Variants in ITGAE observed in about 807,000 individuals in gnomAD.
ITGAE encodes integrin subunit alpha E, also known as integrin alpha-E.
In ITGAE, 99 loss-of-function variants were observed where a neutral mutation model predicts 136.5. The ratio of observed to expected loss-of-function variants is 0.73; its 90% CI spans 0.62 to 0.86. The LOEUF is 0.86. Ranked by LOEUF, ITGAE falls within the 40% of genes least tolerant of loss-of-function variation. ITGAE has a pLI of 0.00. For missense variants in ITGAE, 1,447 were observed against 1,515.3 expected (o/e 0.95, Z 0.75); for synonymous variants, 613 against 591.8 (o/e 1.04, Z -0.52).
At chr17:3,796,001 C>T (rs2053073684) in intron 1 of ITGAE, among the ~76,000 whole-genome samples, 1 of 79,384 alleles carries the variant, frequency 1.3e-5, no homozygotes, top group Non-Finnish European at 2.5e-5. Context: ...GTGTGTGCAT[C>T]CGTGTGTGCA....
In ITGAE at chr17:3,734,890, G is replaced by T. The variant is rs964470684; in HGVS notation, c.2582C>A (p.Ser861Tyr). The T allele has an allele frequency of 6.2e-7, 1 of 1,614,200 alleles. No homozygotes were observed. The highest frequency in any genetic ancestry group is 1.1e-5 in the South Asian group (1 of 91,080). The part of the protein sequence containing the change: ...ELTLNINLTN[S>Y]GEDSYMTSMA... ...GCTTGTCATGTAGGAATCTTCCCCG[G>T]AGTTAGTTAGGTTAATGTTCAGGGT... The change falls in exon 21 of 31, where the codon TCC becomes TAC. Residue 861 changes from serine (S) to tyrosine (Y), a missense_variant. Around this residue, in one of 3 missense-constraint regions of ITGAE, gnomAD observed 1,031 missense variants for 1,011.4 expected, o/e 1.02. Transcript: ENST00000263087.
chr17:3,799,564 T>C lies in ITGAE; in HGVS notation c.34+1547A>G, dbSNP rs972650399. 6.6e-6 allele frequency among the ~76,000 whole-genome samples: 1 copy of C among 152,030 alleles called. No homozygotes were observed. Among genetic ancestry groups the C allele is most frequent in the Admixed American group, 6.5e-5 (1 of 15,268 alleles). ...CTGGGCTTGAGCCTCGTGTCTATTA[T>C]CAGTTGCTTGCAAGCCTGGGTAGTC... On this transcript the variant is annotated intron_variant, in intron 1 of 30. Coordinates refer to ENST00000263087, the MANE Select transcript of ITGAE (RefSeq NM_002208.5). The surrounding 1 kb of genome is among the most constrained non-coding windows in gnomAD (Gnocchi z 4.1).
intron 1 of ITGAE, 46 bp downstream of exon 1, chr17:3,801,065 G>A (rs1371788128): frequency 3.1e-6 from 5 of 1,606,534 alleles, no homozygotes; most frequent in Non-Finnish European, 3.4e-6. Flanking sequence ...CCTGGCTGGA[G>A]CTGAGGGCAC....
At chr17:3,733,693 T>G (rs1174949672) in intron 21 of ITGAE, among the ~76,000 whole-genome samples, 2 of 152,218 alleles carry the variant, frequency 1.3e-5, no homozygotes, top group Non-Finnish European at 2.9e-5. Context: ...AGTGCTGGGA[T>G]TACAGGCATG....
Position 3,716,676 on chromosome 17 carries a change from A to G in ITGAE, c.3444+12T>C. The G allele has an allele frequency of 1.4e-6, 2 of 1,468,740 alleles. No homozygotes were observed. Among genetic ancestry groups the G allele is most frequent in the Non-Finnish European group, 1.9e-6 (2 of 1,047,606 alleles). The allele number at this position is 1,468,740 out of a possible 1,614,324, so 91.0% of individuals were successfully genotyped here. ...AGTCTTCCCTCACTGTGATGCCATG[A>G]GTAGAACTGACCTTGAACAGGATGA... On this transcript the variant is annotated intron_variant, in intron 30 of 30. Transcript: ENST00000263087.
intron 2 of ITGAE, among the ~76,000 whole-genome samples, chr17:3,776,378 A>G (rs986788253): frequency 1.3e-5 from 2 of 151,800 alleles, no homozygotes; most frequent in African/African-American, 4.8e-5. Flanking sequence ...TAAGCCCTTT[A>G]CATGCATTAT....
At chr17:3,721,176 A>T (rs1260994326) in intron 28 of ITGAE, among the ~76,000 whole-genome samples, 1 of 136,020 alleles carries the variant, frequency 7.4e-6, no homozygotes, top group Non-Finnish European at 1.5e-5. Context: ...CAATCCACCC[A>T]CCTTAGCCTC....
rs779119875 is a variant in ITGAE at position 3,724,001 on chromosome 17, G to C, written c.3085-257C>G. On this transcript the variant is annotated intron_variant, in intron 26 of 30. Coordinates refer to ENST00000263087, the MANE Select transcript of ITGAE (RefSeq NM_002208.5). ...GCACATATGGGGCTGCGGACGGCAG[G>C]AGACAGCGGCGGCCGGGCCGGGAAG... 164 of 1,594,906 alleles carry C rather than the reference G, an allele frequency of 1.0e-4. No individual in the cohort carries two copies. The South Asian group carries it at 1.7e-3, about 17-fold the overall frequency.
At chr17:3,746,781 C>A (rs947276597) in intron 17 of ITGAE, among the ~76,000 whole-genome samples, 5 of 152,012 alleles carry the variant, frequency 3.3e-5, no homozygotes, top group Non-Finnish European at 5.9e-5. Context: ...TTAGTAGAGA[C>A]GGGGTTTCAC....
At position 3,753,896 on chromosome 17, in the gene ITGAE, A is replaced by C. The variant is rs760906255; in HGVS notation, c.1414T>G (p.Cys472Gly). The stretch of plus-strand genomic sequence containing the variant: ...GCCCCCGCGATGTAGGAGAGGCTGC[A>C]GGTCTTGTGCAGCACGGCCACAGCG... The part of the protein sequence containing the change: ...GYAVAVLHKT[C>G]SLSYIAGAPR... Residue 472 changes from cysteine to glycine, a missense_variant, in exon 13 of 31, where the codon TGC becomes GGC. Around this residue, in one of 3 missense-constraint regions of ITGAE, gnomAD observed 1,031 missense variants for 1,011.4 expected, o/e 1.02. Transcript: ENST00000263087. The C allele has an allele frequency of 3.1e-6, 5 of 1,614,106 alleles. No homozygotes were observed. In the South Asian group the frequency reaches 5.5e-5, roughly 18 times the overall value.
chr17:3,771,094 AT>A (rs2052409978), intron 2 of ITGAE, among the ~76,000 whole-genome samples: 1 of 147,124 alleles, frequency 6.8e-6, no homozygotes, highest in African/African-American at 2.6e-5. Flanking sequence ...ACTCTGAGGG[AT>A]TAAAAAAAAA....
intron 1 of ITGAE, among the ~76,000 whole-genome samples, chr17:3,783,182 C>T (rs1237286818): frequency 6.6e-6 from 1 of 152,116 alleles, no homozygotes; most frequent in East Asian, 1.9e-4. Flanking sequence ...ACTCTGTCGC[C>T]CAAGCTGGAG....
At chr17:3,716,965 T>C (rs1166011229) in intron 29 of ITGAE, 167 bp from the exon 30 acceptor site, 22 of 570,446 alleles carry the variant, frequency 3.9e-5, no homozygotes, top group South Asian at 2.7e-4. Context: ...TGCAGCATTT[T>C]AGATCATCTA....
intron 22 of ITGAE, among the ~76,000 whole-genome samples, chr17:3,731,889 AT>A (rs1219271155): frequency 2.0e-5 from 3 of 151,662 alleles, no homozygotes; most frequent in Non-Finnish European, 4.4e-5. Flanking sequence ...CCTGGCCAAC[AT>A]GGTGAAACCC....
chr17:3,784,597 G>A lies in ITGAE; in HGVS notation c.35-6937C>T, dbSNP rs535365962. ...TTTAGTAGAGACGGGGTTTCACCATGTTGGCCAGGATGGTCTCAATCTCTT... is the reference window on the plus strand; with the variant it reads ...TTTAGTAGAGACGGGGTTTCACCATATTGGCCAGGATGGTCTCAATCTCTT... On this transcript the variant is annotated intron_variant, in intron 1 of 30. Transcript: ENST00000263087. Among the ~76,000 whole-genome samples the A allele has an allele frequency of 3.0e-3, 457 of 152,098 alleles. 3 individuals are homozygous for A. Among genetic ancestry groups the A allele is most frequent in the Non-Finnish European group, 3.9e-3 (266 of 67,996 alleles).
At chr17:3,770,421 T>A (rs2052393426) in intron 2 of ITGAE, among the ~76,000 whole-genome samples, 1 of 152,134 alleles carries the variant, frequency 6.6e-6, no homozygotes, top group Admixed American at 6.6e-5. Context: ...TGAGCCCCCA[T>A]GCCCAGCCCT....
At chr17:3,724,128 G>A in intron 26 of ITGAE, 14 of 1,594,662 alleles carry the variant, frequency 8.8e-6, no homozygotes, top group Non-Finnish European at 1.1e-5. Flanking sequence ...CGATCCTGAC[G>A]ATCCCGACGA....
intron 28 of ITGAE, among the ~76,000 whole-genome samples, chr17:3,721,195 C>G (rs985517309): frequency 1.3e-5 from 2 of 148,588 alleles, no homozygotes; most frequent in African/African-American, 5.0e-5. Context: ...TCCCACAGTG[C>G]TGAGATTACA....
chr17:3,747,910 C>G lies in ITGAE; in HGVS notation c.2155+12G>C, dbSNP rs201059463. ...TCACACCAGGCAGGGGTCAGCTGGA[C>G]CATTTTTTTACCTGACTCAGAGGCT... On this transcript the variant is annotated intron_variant, in intron 17 of 30. Coordinates refer to ENST00000263087, the MANE Select transcript of ITGAE (RefSeq NM_002208.5). 2 of 1,548,234 alleles carry G rather than the reference C, an allele frequency of 1.3e-6. No homozygotes were observed.
Sources: gnomAD v4.1 joint callset for allele counts (sites outside exome capture counted in the v4.1 genomes callset) on GRCh38, gnomAD v4.1.1 for gene constraint, gnomAD v4.1.1 regional missense constraint, Gnocchi (gnomAD v3.1) non-coding constraint, MANE v1.5 for transcripts, NCBI Gene and HGNC (gene_info 2026-07-23, HGNC 2026-07-21) for gene names.